The following GKAP1 variants were observed in gnomAD, a reference collection of about 807,000 sequenced individuals.
GKAP1 encodes G kinase-anchoring protein 1.
In GKAP1, 31 loss-of-function variants were observed where a neutral mutation model predicts 56.7. The ratio of observed to expected loss-of-function variants is 0.55; its 90% CI spans 0.41 to 0.74. GKAP1 has a LOEUF of 0.74. GKAP1 is among the 30% of genes least tolerant of loss of function. The pLI is 0.00. For synonymous variants in GKAP1, 151 were observed against 138.6 expected (o/e 1.09, Z -0.63); for missense variants, 364 against 402.3 (o/e 0.90, Z 0.82).
chr9:83,784,977 G>A (rs2131294039), intron 5 of GKAP1, 139 bp from the exon 6 acceptor site: 1 of 549,316 alleles, frequency 1.8e-6, no homozygotes, highest in Non-Finnish European at 3.1e-6. Flanking sequence ...TAGCCAAATT[G>A]TATAAAGAGA....
chr9:83,803,270 C>G (rs1460078360), intron 3 of GKAP1, among the ~76,000 whole-genome samples: 1 of 146,066 alleles, frequency 6.8e-6, no homozygotes, highest in Non-Finnish European at 1.5e-5. Context: ...GTCTCCCTCT[C>G]CCTCTCTTTC....
intron 8 of GKAP1, among the ~76,000 whole-genome samples, chr9:83,764,400 T>G (rs538257371): frequency 6.6e-6 from 1 of 152,294 alleles, no homozygotes; most frequent in South Asian, 2.1e-4. Flanking sequence ...ATTGTAAGCC[T>G]CCTGAGGCCT....
chr9:83,754,529 C>A (rs1195899140), intron 8 of GKAP1, among the ~76,000 whole-genome samples: 1 of 152,054 alleles, frequency 6.6e-6, no homozygotes, highest in Non-Finnish European at 1.5e-5. Flanking sequence ...TTAAATTGAA[C>A]CTTGTGTGAT....
At chr9:83,800,744 G>A (rs892658559) in intron 3 of GKAP1, among the ~76,000 whole-genome samples, 7 of 152,084 alleles carry the variant, frequency 4.6e-5, no homozygotes, top group South Asian at 2.1e-4. Flanking sequence ...TGTACCAATC[G>A]CCCAGTTTTA....
Position 83,788,758 on chromosome 9 carries a change from C to T in GKAP1, c.361-80G>A, listed in dbSNP as rs1016172474. ...AAATAACCATACATATTACTATATA[C>T]AGAGGAAAAGAAAGCAAATATGTTA... On this transcript the variant is annotated intron_variant, in intron 4 of 12. Coordinates refer to ENST00000376371, the MANE Select transcript of GKAP1 (RefSeq NM_025211.4). 11 of 772,266 alleles carry T rather than the reference C, an allele frequency of 1.4e-5. No individual in the cohort carries two copies. In the African/African-American group the frequency reaches 1.6e-4, roughly 11 times the overall value. The allele number at this position is 772,266 out of a possible 1,614,324, so 47.8% of individuals were successfully genotyped here. A position where few individuals can be genotyped will look rare whatever the true frequency, so the allele number is the denominator to read the frequency against.
intron 2 of GKAP1, among the ~76,000 whole-genome samples, chr9:83,810,499 GT>G (rs989189490): frequency 1.6e-4 from 25 of 152,154 alleles, no homozygotes; most frequent in African/African-American, 5.8e-4. Context: ...TAACAAAAAC[GT>G]TTTTCACATT....
In GKAP1 at chr9:83,799,297, T is replaced by C. The variant is rs776346506; in HGVS notation, c.248A>G (p.Gln83Arg). 15 of 1,598,298 alleles carry C rather than the reference T, an allele frequency of 9.4e-6. No individual in the cohort carries two copies. Among genetic ancestry groups the C allele is most frequent in the Non-Finnish European group, 1.3e-5 (15 of 1,175,518 alleles). Residue 83 changes from glutamine to arginine, a missense_variant, in exon 4 of 13, where the codon CAG becomes CGG. Physicochemically the swap from Gln to Arg is conservative, Grantham distance 43. Transcript: ENST00000376371. ...LRNLAFKKIPQKSSHAVCNAQ... is the reference protein window; with the variant it reads ...LRNLAFKKIPRKSSHAVCNAQ... ...GTTACAAACAGCATGGGAGGATTTCTGGGGAATTTTCTTAAAAGCAAGATT... is the reference window on the plus strand; with the variant it reads ...GTTACAAACAGCATGGGAGGATTTCCGGGGAATTTTCTTAAAAGCAAGATT...
At chr9:83,799,971 AAAAAT>A (rs1376037280) in intron 3 of GKAP1, among the ~76,000 whole-genome samples, 2 of 152,296 alleles carry the variant, frequency 1.3e-5, no homozygotes, top group African/African-American at 2.4e-5. Context: ...TCTCAAAAAT[AAAAAT>A]AAAATAAAAT....
chr9:83,800,645 T>C (rs1169599622), intron 3 of GKAP1, among the ~76,000 whole-genome samples: 1 of 152,076 alleles, frequency 6.6e-6, no homozygotes, highest in Non-Finnish European at 1.5e-5. Flanking sequence ...CCCCACTGCC[T>C]CCTTACATAT....
intron 9 of GKAP1, chr9:83,748,763 T>C (rs1410980991): frequency 6.5e-6 from 1 of 153,058 alleles, no homozygotes; most frequent in African/African-American, 2.4e-5. Context: ...ATACTAGGAC[T>C]TTCTACATCT....
chr9:83,785,838 A>C (rs114640501), intron 5 of GKAP1, among the ~76,000 whole-genome samples: 12 of 152,202 alleles, frequency 7.9e-5, no homozygotes, highest in Non-Finnish European at 1.0e-4. Flanking sequence ...CTTTCTGCCA[A>C]TGGATGTATA....
chr9:83,779,819 C>T (rs1293418539), intron 7 of GKAP1, among the ~76,000 whole-genome samples: 1 of 151,644 alleles, frequency 6.6e-6, no homozygotes, highest in Non-Finnish European at 1.5e-5. Context: ...AGCACAATCT[C>T]CCAACTAAAA....
At chr9:83,803,291 C>T (rs1432503425) in intron 3 of GKAP1, among the ~76,000 whole-genome samples, 5 of 151,634 alleles carry the variant, frequency 3.3e-5, no homozygotes, top group Non-Finnish European at 7.4e-5. Context: ...CACGGTCTCC[C>T]TCTGATGCCG....
rs1587747746 is a variant in GKAP1 at position 83,813,984 on chromosome 9, C to T, written c.-44+3012G>A. ...GCATAGTGGTGCATGACTGTGGTCC[C>T]AGCTACTTGGGAGGCTAAGGTGGTA... On this transcript the variant is annotated intron_variant, in intron 2 of 12. Transcript: ENST00000376371. Among the ~76,000 whole-genome samples the T allele has an allele frequency of 2.6e-5, 4 of 152,206 alleles. No homozygotes were observed. The East Asian group carries it at 5.8e-4, about 22-fold the overall frequency.
At chr9:83,810,227 ATTGT>A (rs1425650927) in intron 2 of GKAP1, among the ~76,000 whole-genome samples, 2 of 152,248 alleles carry the variant, frequency 1.3e-5, no homozygotes, top group South Asian at 2.1e-4. Context: ...TTAGATAAAA[ATTGT>A]TTGTTTTTAT....
At chr9:83,742,174 T>C in intron 11 of GKAP1, 145 bp from the exon 12 acceptor site, 1 of 653,544 alleles carries the variant, frequency 1.5e-6, no homozygotes, top group Non-Finnish European at 2.7e-6. Context: ...TTTGGTATTG[T>C]ACACAGCTCT....
chr9:83,784,722 A>G lies in GKAP1; in HGVS notation c.555T>C (p.His185=), dbSNP rs760550672. 1 of 1,588,212 alleles carries G rather than the reference A, an allele frequency of 6.3e-7. No individual in the cohort carries two copies. Among genetic ancestry groups the G allele is most frequent in the South Asian group, 1.2e-5 (1 of 86,934 alleles). ...GCATTGTATATACATTACCTTCCGA[A>G]TGAAAATCTTTTAGTGATACTGTGA... ...RPLTVSLKDF[H]SEDHISKKTE... is the part of the protein sequence containing the mutation. The change falls in exon 6 of 13, where the codon CAT becomes CAC. Residue 185 remains histidine (H), a synonymous_variant. Coordinates refer to ENST00000376371, the MANE Select transcript of GKAP1 (RefSeq NM_025211.4).
rs186404922 is a variant in GKAP1, at chr9:83,760,199, A to G, written c.739-6840T>C. Among the ~76,000 whole-genome samples the G allele has an allele frequency of 3.7e-3, 558 of 152,292 alleles. 2 individuals are homozygous for G. The highest frequency in any genetic ancestry group is 6.5e-3 in the Non-Finnish European group (442 of 68,012). ...GAGATATTCCATGCCAAGGGAAACC[A>G]AAAAAGAGCAGGAGTAGCTATATTA... On this transcript the variant is annotated intron_variant, in intron 8 of 12. Transcript: ENST00000376371.
chr9:83,787,640 G>A (rs931557039), intron 5 of GKAP1, among the ~76,000 whole-genome samples: 1 of 152,146 alleles, frequency 6.6e-6, no homozygotes, highest in South Asian at 2.1e-4. Context: ...TTGAACAAAT[G>A]TTATAAACCA....
Sources: allele counts gnomAD v4.1 joint callset (sites outside exome capture counted in the v4.1 genomes callset), GRCh38; gene constraint gnomAD v4.1.1; transcripts MANE v1.5; gene names NCBI Gene and HGNC (gene_info 2026-07-23, HGNC 2026-07-21).